MUC17: variants seen among roughly 807,000 people sequenced by gnomAD.
MUC17 encodes mucin 17, cell surface associated.
Under a neutral mutation model 170.3 loss-of-function variants are expected in MUC17, and 190 were observed. The ratio of observed to expected loss-of-function variants is 1.12; its 90% confidence interval spans 0.99 to 1.26. The LOEUF (loss-of-function observed/expected upper bound fraction) is 1.26. Ranked by LOEUF, MUC17 falls within the 50% of genes most tolerant of loss-of-function variation. The pLI is 0.00. For synonymous variants in MUC17, 2,325 were observed against 2,002.5 expected, an observed-to-expected ratio of 1.16 and a Z score of -4.30; for missense variants, 6,415 against 5,530.0, an observed-to-expected ratio of 1.16 and a Z score of -5.08.
At chr7:101,048,545 A>G (rs975890519) in intron 4 of MUC17, among the ~76,000 whole-genome samples, 1 of 151,716 alleles carries the variant, frequency 6.6e-6, no homozygotes, top group African/African-American at 2.4e-5. Flanking sequence ...GCACTGAGCT[A>G]TGATCTCACC....
chr7:101,043,250 C>T lies in MUC17; in HGVS notation c.11834C>T (p.Pro3945Leu). ...PGTTIFIPSTPVTSSTADVFP... is the reference protein window; with the variant it reads ...PGTTIFIPSTLVTSSTADVFP... ...ACAACCATTTTTATTCCCAGCACTC[C>T]TGTCACCAGTTCTACTGCTGATGTC... The change falls in exon 3 of 13, where the codon CCT (proline) becomes CTT (leucine). Residue 3945 changes from proline to leucine, a missense_variant. Coordinates refer to ENST00000306151, the MANE Select transcript of MUC17 (RefSeq NM_001040105.2). The T allele has an allele frequency of 1.9e-6, 3 of 1,614,190 alleles. No homozygotes were observed. In the East Asian group the frequency reaches 6.7e-5, roughly 36 times the overall value.
At position 101,058,071 on chromosome 7, in the gene MUC17, G is replaced by A. The variant is rs1795079944; in HGVS notation, c.*27G>A. 5 of 1,607,636 alleles carry A rather than the reference G, an allele frequency of 3.1e-6. No individual in the cohort carries two copies. The East Asian group carries it at 6.7e-5, about 22-fold the overall frequency. Reference sequence around the variant, plus strand: ...GCATGGAGCTGAGAAGTCTGGGAGTGAGGAGATCCCAGTCCGGCTAAGCTT... The same window carrying A: ...GCATGGAGCTGAGAAGTCTGGGAGTAAGGAGATCCCAGTCCGGCTAAGCTT... On this transcript the variant is annotated 3_prime_UTR_variant, in exon 13 of 13. Transcript: ENST00000306151.
rs1179576813 is a variant in MUC17 at position 101,038,398 on chromosome 7, A to G, written c.6982A>G (p.Met2328Val). 2.5e-6 allele frequency: 4 copies of G among 1,613,992 alleles called. No individual in the cohort carries two copies. Among genetic ancestry groups the G allele is most frequent in the Non-Finnish European group, 1.7e-6 (2 of 1,180,032 alleles). The change falls in exon 3 of 13, where the codon ATG (methionine) becomes GTG (valine). Residue 2328 changes from methionine (M) to valine (V), a missense_variant. Physicochemically the swap from Met to Val is conservative, Grantham distance 21. Coordinates refer to ENST00000306151, the MANE Select transcript of MUC17 (RefSeq NM_001040105.2). ...SPPPTAEGTS[M>V]PTSTSSEGNT... Reference sequence around the variant, plus strand: ...TCCTCCCACTGCTGAAGGTACCAGCATGCCAACCTCAACTTCTAGTGAAGG... The same window carrying G: ...TCCTCCCACTGCTGAAGGTACCAGCGTGCCAACCTCAACTTCTAGTGAAGG...
In MUC17 at chr7:101,020,541, C is replaced by G. The variant is rs144861608; in HGVS notation, c.82+324C>G. ...TGCTAGGATTGAAAAGAGCTCCCCC[C>G]CCGAGGCATGATCCCTGGCACAAGA... On this transcript the variant is annotated intron_variant, in intron 1 of 12. Transcript: ENST00000306151. 3.0e-3 allele frequency among the ~76,000 whole-genome samples: 449 copies of G among 152,190 alleles called. 3 individuals are homozygous for G. The highest frequency in any genetic ancestry group is 9.9e-3 in the African/African-American group (411 of 41,518).
At chr7:101,046,289 A>G (rs569586243) in intron 3 of MUC17, among the ~76,000 whole-genome samples, 6 of 152,156 alleles carry the variant, frequency 3.9e-5, no homozygotes, top group Non-Finnish European at 7.3e-5. Context: ...GTCTATACAT[A>G]CCTCGTGCAC....
At position 101,034,917 on chromosome 7, in the gene MUC17, C is replaced by G. The variant is rs1427728824; in HGVS notation, c.3501C>G (p.Val1167=). 1 of 1,613,424 alleles carries G rather than the reference C, an allele frequency of 6.2e-7. No homozygotes were observed. Among genetic ancestry groups the G allele is most frequent in the African/African-American group, 1.3e-5 (1 of 74,816 alleles). Reference sequence around the variant, plus strand: ...CCACTCCGTTAGCAAGTATGCCTGTCAGCACCACGCTGGTGGTCAGTTCTG... The same window carrying G: ...CCACTCCGTTAGCAAGTATGCCTGTGAGCACCACGCTGGTGGTCAGTTCTG... The part of the protein sequence containing the change: ...EGTTPLASMP[V]STTLVVSSEA... The change falls in exon 3 of 13, where the codon GTC becomes GTG. Residue 1167 remains valine, a synonymous_variant. Coordinates refer to ENST00000306151, the MANE Select transcript of MUC17 (RefSeq NM_001040105.2).
chr7:101,036,679 C>G lies in MUC17; in HGVS notation c.5263C>G (p.Pro1755Ala), dbSNP rs760343469. The G allele has an allele frequency of 3.1e-6, 5 of 1,613,234 alleles. No homozygotes were observed. Among genetic ancestry groups the G allele is most frequent in the South Asian group, 1.1e-5 (1 of 91,040 alleles). The change falls in exon 3 of 13, where the codon CCT becomes GCT. Residue 1755 changes from proline to alanine, a missense_variant. Transcript: ENST00000306151. ...AGGAACCACTCCATTAACAAGTATA[C>G]CTGTCAGCACCACGCCGGTACTCAG... ...SEGTTPLTSI[P>A]VSTTPVLSSE...
In MUC17 at chr7:101,039,723, C is replaced by A. The variant is rs748164641; in HGVS notation, c.8307C>A (p.Ser2769Arg). The stretch of plus-strand genomic sequence containing the variant: ...TGCCAGTGGCCAGTTCTGAGGCTAG[C>A]ACCGTTTCAACAACTGCTGTTGACA... Reference protein sequence around the residue: ...STLPVASSEASTVSTTAVDTS... With the variant: ...STLPVASSEARTVSTTAVDTS... The change falls in exon 3 of 13, where the codon AGC becomes AGA. Residue 2769 changes from serine to arginine, a missense_variant. Physicochemically the swap from Ser to Arg is moderately radical, Grantham distance 110. Transcript: ENST00000306151. 1.3e-5 allele frequency: 21 copies of A among 1,610,752 alleles called. No individual in the cohort carries two copies. The highest frequency in any genetic ancestry group is 2.7e-5 in the African/African-American group (2 of 74,602).
At position 101,035,514 on chromosome 7, in the gene MUC17, A is replaced by C; in HGVS notation, c.4098A>C (p.Thr1366=). Reference sequence around the variant, plus strand: ...CAACAACTCCTGTTGACAACAGCACACCTGTGACCACTTCTACTGAAGCCT... The same window carrying C: ...CAACAACTCCTGTTGACAACAGCACCCCTGTGACCACTTCTACTGAAGCCT... ...ILSTTPVDNS[T]PVTTSTEACS... is the part of the protein sequence containing the mutation. Residue 1366 remains threonine, a synonymous_variant, in exon 3 of 13, where the codon ACA becomes ACC. Coordinates refer to ENST00000306151, the MANE Select transcript of MUC17 (RefSeq NM_001040105.2). 1.3e-6 allele frequency: 2 copies of C among 1,595,532 alleles called. No homozygotes were observed. The highest frequency in any genetic ancestry group is 1.7e-6 in the Non-Finnish European group (2 of 1,169,044).
rs756705716 is a variant in MUC17, at chr7:101,040,709, C to A, written c.9293C>A (p.Ser3098Ter). Residue 3098 changes from serine (S) to a stop codon, truncating the protein, a stop_gained, in exon 3 of 13, where the codon TCA (serine) becomes TAA (stop). Coordinates refer to ENST00000306151, the MANE Select transcript of MUC17 (RefSeq NM_001040105.2). LOFTEE classifies it high-confidence loss of function. ...TPAEGTSMPI[S>*]TYSEGSTPLT... ...GCTGAAGGTACCAGCATGCCAATCT[C>A]AACTTATAGTGAAGGAAGCACTCCA... The A allele has an allele frequency of 1.7e-5, 28 of 1,613,278 alleles. No individual in the cohort carries two copies. Among genetic ancestry groups the A allele is most frequent in the Non-Finnish European group, 8.5e-6 (10 of 1,179,842 alleles).
chr7:101,021,396 C>A (rs532647479), intron 1 of MUC17, among the ~76,000 whole-genome samples: 2 of 152,014 alleles, frequency 1.3e-5, no homozygotes, highest in Non-Finnish European at 2.9e-5. Flanking sequence ...CCATGTTAAC[C>A]GGGCTGGTCT....
At chr7:101,057,152 C>T (rs116733286) in intron 12 of MUC17, among the ~76,000 whole-genome samples, 161 of 152,248 alleles carry the variant, frequency 1.1e-3, no homozygotes, top group African/African-American at 3.8e-3. Flanking sequence ...ATAATGCTAT[C>T]GCCTCACTTC....
chr7:101,044,782 C>A (rs1432396433), intron 3 of MUC17, among the ~76,000 whole-genome samples: 1 of 152,106 alleles, frequency 6.6e-6, no homozygotes, highest in Non-Finnish European at 1.5e-5. Flanking sequence ...TTTGTTCATA[C>A]TAAAGTACGA....
rs1200528419 is a variant in MUC17 at position 101,034,209 on chromosome 7, C to T, written c.2793C>T (p.Asp931=). 6.2e-7 allele frequency: 1 copy of T among 1,600,508 alleles called. No homozygotes were observed. The highest frequency in any genetic ancestry group is 8.5e-7 in the Non-Finnish European group (1 of 1,173,238). ...EGSTPLTSMP[D]STTPVVSSEA... Reference sequence around the variant, plus strand: ...GCACTCCATTAACAAGTATGCCTGACAGCACCACGCCGGTAGTCAGTTCTG... The same window carrying T: ...GCACTCCATTAACAAGTATGCCTGATAGCACCACGCCGGTAGTCAGTTCTG... The change falls in exon 3 of 13, where the codon GAC becomes GAT. Residue 931 remains aspartate, a synonymous_variant. Transcript: ENST00000306151.
chr7:101,053,520 C>T, intron 11 of MUC17, 84 bp downstream of exon 11: 3 of 1,104,634 alleles, frequency 2.7e-6, no homozygotes, highest in Non-Finnish European at 4.0e-6. Flanking sequence ...GTAATCCCAG[C>T]ACTTTGAAAG....
At position 101,053,876 on chromosome 7, in the gene MUC17, G is replaced by A. The variant is rs564187661; in HGVS notation, c.13363+440G>A. 1.7e-4 allele frequency among the ~76,000 whole-genome samples: 24 copies of A among 143,746 alleles called. 1 individual carries two copies. In the South Asian group the frequency reaches 3.6e-3, roughly 22 times the overall value. 94.3% of individuals were successfully genotyped at this position (143,746 alleles called of 152,430 possible). A position where few individuals can be genotyped will look rare whatever the true frequency, so the allele number is the denominator to read the frequency against. ...GCCTGGGCAACAAGCACGAAACTCC[G>A]TCTCAAAAAAAAAAAAAAGAAAAAA... is the stretch of plus-strand genomic sequence containing the variant. On this transcript the variant is annotated intron_variant, in intron 11 of 12. Transcript: ENST00000306151.
chr7:101,032,446 A>C lies in MUC17; in HGVS notation c.1030A>C (p.Met344Leu). 1 of 1,613,932 alleles carries C rather than the reference A, an allele frequency of 6.2e-7. No homozygotes were observed. The highest frequency in any genetic ancestry group is 8.5e-7 in the Non-Finnish European group (1 of 1,179,878). ...ATTAACAAGTACGCCTGCCAGCACC[A>C]TGCCGGTTGCCACTTCTGAAATGAG... is the stretch of plus-strand genomic sequence containing the variant. ...TPLTSTPAST[M>L]PVATSEMSTL... Residue 344 changes from methionine to leucine, a missense_variant, in exon 3 of 13, where the codon ATG becomes CTG. Met to Leu is a conservative substitution (Grantham distance 15). Transcript: ENST00000306151.
chr7:101,046,044 T>C (rs898655659), intron 3 of MUC17, among the ~76,000 whole-genome samples: 1 of 152,250 alleles, frequency 6.6e-6, no homozygotes, highest in Non-Finnish European at 1.5e-5. Flanking sequence ...AGCTCAGGTC[T>C]GGACGTCTTC....
rs573166135 is a variant in MUC17, at chr7:101,037,531, C to G, written c.6115C>G (p.Pro2039Ala). The change falls in exon 3 of 13, where the codon CCT (proline) becomes GCT (alanine). Residue 2039 changes from proline (P) to alanine (A), a missense_variant. Pro to Ala is a conservative substitution (Grantham distance 27). Transcript: ENST00000306151. ...AGGTACCAGCATACAAACCTCAACT[C>G]CTAGTGAACGGACCACTCCATTAGC... ...AGGTSIQTSTPSERTTPLAGM... is the reference protein window; with the variant it reads ...AGGTSIQTSTASERTTPLAGM... The G allele has an allele frequency of 6.2e-7, 1 of 1,613,826 alleles. No homozygotes were observed. The highest frequency in any genetic ancestry group is 1.7e-5 in the Admixed American group (1 of 60,008).
Sources: allele counts gnomAD v4.1 joint callset (sites outside exome capture counted in the v4.1 genomes callset), GRCh38; gene constraint gnomAD v4.1.1; transcripts MANE v1.5; gene names NCBI Gene and HGNC (gene_info 2026-07-23, HGNC 2026-07-21).